PPP2R2C: variants seen among roughly 807,000 people sequenced by gnomAD.
PPP2R2C encodes the protein protein phosphatase 2 regulatory subunit Bgamma.
A neutral mutation model predicts 45.3 loss-of-function variants in PPP2R2C; 10 were observed. That is an observed-to-expected ratio of 0.22 (90% confidence interval 0.14 to 0.37). The LOEUF (loss-of-function observed/expected upper bound fraction) is 0.37. Ranked by LOEUF, PPP2R2C falls within the 10% of genes least tolerant of loss-of-function variation. PPP2R2C has a pLI of 1.00. For missense variants in PPP2R2C, 308 were observed against 619.7 expected, an observed-to-expected ratio of 0.50 and a Z score of 5.34; for synonymous variants, 257 against 245.4, an observed-to-expected ratio of 1.05 and a Z score of -0.44.
At chr4:6,483,929 C>A (rs984906362) in intron 2 of PPP2R2C, among the ~76,000 whole-genome samples, 5 of 152,004 alleles carry the variant, frequency 3.3e-5, no homozygotes, top group African/African-American at 1.2e-4. Context: ...AGACCAGCTG[C>A]GTATTTTTAT....
rs537810863 is a variant in PPP2R2C, at chr4:6,321,958, T to G, written c.*1344A>C. On this transcript the variant is annotated 3_prime_UTR_variant, in exon 9 of 9. Coordinates refer to ENST00000382599, the MANE Select transcript of PPP2R2C (RefSeq NM_020416.4). ...CAATTTCCTTTCAAAGGCAGTTCAGTGCATTGGCTCAAGGAGGGTGCAAGC... is the reference window on the plus strand; with the variant it reads ...CAATTTCCTTTCAAAGGCAGTTCAGGGCATTGGCTCAAGGAGGGTGCAAGC... The G allele has an allele frequency of 1.7e-4, 26 of 152,264 alleles. No homozygotes were observed. The highest frequency in any genetic ancestry group is 6.0e-4 in the African/African-American group (25 of 41,538). 9.4% of individuals were successfully genotyped at this position (152,264 alleles called of 1,614,324 possible).
chr4:6,432,186 T>C (rs1369649686), intron 1 of PPP2R2C, among the ~76,000 whole-genome samples: 1 of 152,188 alleles, frequency 6.6e-6, no homozygotes. Context: ...CTCATGGCTA[T>C]GGTCTTTGCC....
chr4:6,450,863 C>G (rs962189725), intron 1 of PPP2R2C, among the ~76,000 whole-genome samples: 1 of 152,152 alleles, frequency 6.6e-6, no homozygotes, highest in Non-Finnish European at 1.5e-5. Flanking sequence ...CATTGCATAG[C>G]TCCTTGCTCA....
At chr4:6,451,340 C>G (rs6836154) in intron 1 of PPP2R2C, among the ~76,000 whole-genome samples, 42,819 of 152,234 alleles carry the variant, frequency 0.28, 6,602 homozygotes, top group Non-Finnish European at 0.36. Flanking sequence ...CTTCTCGGCA[C>G]GGCCCACAGC....
At chr4:6,467,546 A>C (rs1400239666) in intron 1 of PPP2R2C, among the ~76,000 whole-genome samples, 1 of 152,182 alleles carries the variant, frequency 6.6e-6, no homozygotes, top group African/African-American at 2.4e-5. Flanking sequence ...GAAATTGGCA[A>C]CCTTGACTTG....
chr4:6,362,863 GGCACCCCCTTTCCCCT>G (rs150348446), intron 5 of PPP2R2C, among the ~76,000 whole-genome samples: 4,175 of 133,372 alleles, frequency 0.031, 79 homozygotes, highest in African/African-American at 0.06. Context: ...TCCCAGCCCT[GGCACCCCCTTTCCCCT>G]GCACCCCCTT....
chr4:6,486,245 T>A (rs1722524667), intron 2 of PPP2R2C, among the ~76,000 whole-genome samples: 2 of 152,050 alleles, frequency 1.3e-5, no homozygotes, highest in Admixed American at 1.3e-4. Flanking sequence ...GAACATACTT[T>A]TTGTGACTTG....
chr4:6,549,112 C>T (rs1486091566), intron 1 of PPP2R2C, among the ~76,000 whole-genome samples: 6 of 152,228 alleles, frequency 3.9e-5, no homozygotes, highest in African/African-American at 1.4e-4. Flanking sequence ...AGCTAAGCCA[C>T]TGGTCTAAGC....
intron 1 of PPP2R2C, among the ~76,000 whole-genome samples, chr4:6,535,947 C>G (rs550866884): frequency 6.6e-6 from 1 of 152,212 alleles, no homozygotes; most frequent in Non-Finnish European, 1.5e-5. Context: ...CAACACCCCA[C>G]GCTGCAGTCC....
chr4:6,560,764 T>C (rs1210363386), intron 1 of PPP2R2C, among the ~76,000 whole-genome samples: 1 of 152,226 alleles, frequency 6.6e-6, no homozygotes, highest in East Asian at 1.9e-4. Flanking sequence ...TGCAGAGTCA[T>C]AAAATTCCTG....
chr4:6,497,874 A>T (rs1295164147), intron 2 of PPP2R2C, among the ~76,000 whole-genome samples: 1 of 152,242 alleles, frequency 6.6e-6, no homozygotes, highest in Non-Finnish European at 1.5e-5. Flanking sequence ...GCCTTAAAAC[A>T]TATGAAAGGC....
At chr4:6,468,285 C>T (rs71599895) in intron 1 of PPP2R2C, among the ~76,000 whole-genome samples, 2,527 of 152,278 alleles carry the variant, frequency 0.017, 40 homozygotes, top group Non-Finnish European at 0.025. Flanking sequence ...CTGCCTGCTG[C>T]GTTCAGACAG....
chr4:6,367,703 G>C (rs1714455509), intron 5 of PPP2R2C, among the ~76,000 whole-genome samples: 1 of 152,216 alleles, frequency 6.6e-6, no homozygotes, highest in African/African-American at 2.4e-5. Context: ...TCTCTGCCAA[G>C]TAAGGCTTCT....
intron 6 of PPP2R2C, among the ~76,000 whole-genome samples, chr4:6,338,659 CCTG>C (rs974571393): frequency 6.6e-6 from 1 of 152,146 alleles, no homozygotes; most frequent in African/African-American, 2.4e-5. Flanking sequence ...TCCCAACCAG[CCTG>C]CTGCTGCTGC....
intron 4 of PPP2R2C, among the ~76,000 whole-genome samples, chr4:6,374,358 GAGA>G (rs1441352949): frequency 1.3e-5 from 2 of 152,210 alleles, no homozygotes; most frequent in African/African-American, 2.4e-5. Context: ...TTTTAGTAAA[GAGA>G]AGAAGAGAGA....
At chr4:6,537,632 G>C (rs569286148) in intron 1 of PPP2R2C, among the ~76,000 whole-genome samples, 1 of 149,218 alleles carries the variant, frequency 6.7e-6, no homozygotes, top group South Asian at 2.1e-4. Flanking sequence ...CTCACTGTAA[G>C]CTCCGCCTCC....
intron 1 of PPP2R2C, among the ~76,000 whole-genome samples, chr4:6,556,523 C>T (rs901691655): frequency 2.6e-5 from 4 of 152,182 alleles, no homozygotes; most frequent in East Asian, 1.9e-4. Context: ...TGTGCGCACA[C>T]GTGCAGTGAT....
chr4:6,346,963 AC>A (rs1400795263), intron 6 of PPP2R2C, among the ~76,000 whole-genome samples: 1 of 152,062 alleles, frequency 6.6e-6, no homozygotes, highest in Non-Finnish European at 1.5e-5. Flanking sequence ...CCTGGGGGAC[AC>A]CCCACCTCCT....
chr4:6,563,366 G>A lies in PPP2R2C; in HGVS notation c.-59+194C>T, dbSNP rs1560624933. Among the ~76,000 whole-genome samples, 3 of 152,200 alleles carry A rather than the reference G, an allele frequency of 2.0e-5. No individual in the cohort carries two copies. The South Asian group carries it at 6.2e-4, about 31-fold the overall frequency. ...GCCAGCCCTGCCCCAGGACCGCCCCGGGGTCGGTGCCCGGGCTCTCTGAGT... is the reference window on the plus strand; with the variant it reads ...GCCAGCCCTGCCCCAGGACCGCCCCAGGGTCGGTGCCCGGGCTCTCTGAGT... On this transcript the variant is annotated intron_variant, in intron 1 of 9. Transcript: ENST00000506140. The surrounding 1 kb of genome is among the most constrained non-coding windows in gnomAD (Gnocchi z 5.8).
Sources: gnomAD v4.1 joint callset for allele counts (sites outside exome capture counted in the v4.1 genomes callset) on GRCh38, gnomAD v4.1.1 for gene constraint, Gnocchi (gnomAD v3.1) non-coding constraint, MANE v1.5 for transcripts, NCBI Gene and HGNC (gene_info 2026-07-23, HGNC 2026-07-21) for gene names.